The following TAOK3 variants were observed in gnomAD, a reference collection of about 807,000 sequenced individuals.
The protein encoded by TAOK3 is serine/threonine-protein kinase TAO3.
TAOK3 carries 40 observed loss-of-function variants against 120.4 expected under a neutral mutation model. The observed-to-expected ratio is 0.33, with a 90% CI of 0.26 to 0.43. The LOEUF (loss-of-function observed/expected upper bound fraction) is 0.43. Ranked by LOEUF, TAOK3 falls within the 20% of genes least tolerant of loss-of-function variation. The probability of loss-of-function intolerance (pLI) is 1.00; values close to 1 mark genes in which losing one functional copy is unlikely to be tolerated. For synonymous variants in TAOK3, 355 were observed against 387.5 expected (o/e 0.92, Z 0.99); for missense variants, 821 against 1,112.1 (o/e 0.74, Z 3.72).
intron 1 of TAOK3, among the ~76,000 whole-genome samples, chr12:118,321,392 C>T (rs1332189267): frequency 6.6e-6 from 1 of 152,118 alleles, no homozygotes; most frequent in Non-Finnish European, 1.5e-5. Flanking sequence ...CTCTAAGAAG[C>T]TGGGGCTACT....
chr12:118,334,437 G>C (rs1036314495), intron 1 of TAOK3, among the ~76,000 whole-genome samples: 1 of 152,152 alleles, frequency 6.6e-6, no homozygotes, highest in South Asian at 2.1e-4. Context: ...TAGAAGCAAA[G>C]GTTGCCAGGG....
At chr12:118,264,109 A>G (rs1163381773) in intron 2 of TAOK3, among the ~76,000 whole-genome samples, 2 of 152,218 alleles carry the variant, frequency 1.3e-5, no homozygotes, top group Non-Finnish European at 2.9e-5. Flanking sequence ...ATATGGAGTG[A>G]CTGTATCTTT....
intron 1 of TAOK3, among the ~76,000 whole-genome samples, chr12:118,297,792 A>G (rs2042737097): frequency 6.6e-6 from 1 of 152,212 alleles, no homozygotes; most frequent in African/African-American, 2.4e-5. Flanking sequence ...TAAGAATCCA[A>G]AAGAACTAGT....
intron 1 of TAOK3, among the ~76,000 whole-genome samples, chr12:118,367,732 G>A (rs972724688): frequency 2.7e-5 from 4 of 150,542 alleles, no homozygotes; most frequent in African/African-American, 9.8e-5. Context: ...ATCTTTTTTC[G>A]GAGAGTCACA....
chr12:118,351,399 C>T (rs951306393), intron 1 of TAOK3, among the ~76,000 whole-genome samples: 8 of 151,986 alleles, frequency 5.3e-5, no homozygotes, highest in East Asian at 1.9e-4. Context: ...AGGCCTGACC[C>T]GAGTAGATGC....
In TAOK3 at chr12:118,150,956, CTTTTTT is replaced by C. The variant is rs201481032; in HGVS notation, c.*35_*40del. On this transcript the variant is annotated 3_prime_UTR_variant, in exon 21 of 21. Coordinates refer to ENST00000392533, the MANE Select transcript of TAOK3 (RefSeq NM_016281.4). ...CAGGGTCTGAATTTTTTTCTGTTTT[CTTTTTT>C]TTTTTTTTTTTTGTAAATGGCAAAA... 92 of 1,255,454 alleles carry C rather than the reference CTTTTTT, an allele frequency of 7.3e-5. No homozygotes were observed. Among genetic ancestry groups the C allele is most frequent in the Admixed American group, 3.5e-4 (13 of 36,670 alleles). The allele number at this position is 1,255,454 out of a possible 1,614,324, so 77.8% of individuals were successfully genotyped here. A position where few individuals can be genotyped will look rare whatever the true frequency, so the allele number is the denominator to read the frequency against.
intron 1 of TAOK3, among the ~76,000 whole-genome samples, chr12:118,286,654 A>C (rs954171546): frequency 9.2e-5 from 14 of 152,202 alleles, no homozygotes; most frequent in Admixed American, 3.9e-4. Context: ...TGTGGAAAAC[A>C]GTGTGGAGAT....
intron 1 of TAOK3, among the ~76,000 whole-genome samples, chr12:118,342,885 G>C (rs1189818981): frequency 6.8e-6 from 1 of 146,182 alleles, no homozygotes; most frequent in Non-Finnish European, 1.5e-5. Flanking sequence ...AGTGAGTGGC[G>C]ATCCTGCCAT....
At chr12:118,222,861 A>G (rs1471544147) in intron 9 of TAOK3, among the ~76,000 whole-genome samples, 1 of 152,134 alleles carries the variant, frequency 6.6e-6, no homozygotes, top group Non-Finnish European at 1.5e-5. Context: ...CTAAAATCTC[A>G]GAATTCGCCA....
intron 16 of TAOK3, among the ~76,000 whole-genome samples, 159 bp from the exon 17 acceptor site, chr12:118,172,819 C>T (rs1027678419): frequency 6.6e-6 from 1 of 152,030 alleles, no homozygotes. Flanking sequence ...TTTATTTGCT[C>T]ATTAATTGAG....
In TAOK3 at chr12:118,193,049, G is replaced by GTTTTTTTTT. The variant is rs11380296; in HGVS notation, c.1195-3117_1195-3109dup. The stretch of plus-strand genomic sequence containing the variant: ...AACCTGGTAAACTTACCACGTTGTT[G>GTTTTTTTTT]TTTTTTTTTTTTTTTTTTTTTGAGA... On this transcript the variant is annotated intron_variant, in intron 13 of 20. Transcript: ENST00000392533. Among the ~76,000 whole-genome samples the GTTTTTTTTT allele has an allele frequency of 2.2e-3, 240 of 107,324 alleles. 3 individuals are homozygous for GTTTTTTTTT. The highest frequency in any genetic ancestry group is 3.1e-3 in the Non-Finnish European group (174 of 56,624). 70.4% of individuals were successfully genotyped at this position (107,324 alleles called of 152,430 possible). A position where few individuals can be genotyped will look rare whatever the true frequency, so the allele number is the denominator to read the frequency against.
chr12:118,364,035 A>G (rs1003001920), intron 1 of TAOK3, among the ~76,000 whole-genome samples: 2 of 152,056 alleles, frequency 1.3e-5, no homozygotes, highest in African/African-American at 4.8e-5. Flanking sequence ...GTTACTCGGG[A>G]GGCTGAGGCA....
chr12:118,192,648 G>A (rs16948179), intron 13 of TAOK3, among the ~76,000 whole-genome samples: 2,536 of 152,342 alleles, frequency 0.017, 17 homozygotes, highest in Middle Eastern at 0.054. Context: ...AACTTGAGAA[G>A]TAAGCTCAAA....
chr12:118,218,444 T>C (rs142738150), intron 9 of TAOK3, among the ~76,000 whole-genome samples: 1 of 152,260 alleles, frequency 6.6e-6, no homozygotes, highest in African/African-American at 2.4e-5. Flanking sequence ...AATGGCATAG[T>C]ATTTGCATGT....
intron 11 of TAOK3, among the ~76,000 whole-genome samples, chr12:118,207,609 C>T (rs2038393199): frequency 6.6e-6 from 1 of 152,062 alleles, no homozygotes; most frequent in Non-Finnish European, 1.5e-5. Context: ...AATCCCAGCA[C>T]TTTGGGAGGC....
chr12:118,275,418 G>A (rs1189425903), intron 1 of TAOK3, among the ~76,000 whole-genome samples: 1 of 152,196 alleles, frequency 6.6e-6, no homozygotes, highest in Admixed American at 6.5e-5. Flanking sequence ...ACAGGCATGA[G>A]CCATTGTGCC....
intron 9 of TAOK3, among the ~76,000 whole-genome samples, chr12:118,218,114 C>A (rs531247894): frequency 3.4e-4 from 51 of 151,722 alleles, no homozygotes; most frequent in African/African-American, 1.2e-3. Context: ...TCCGCCTTGG[C>A]CTCCCAAGTA....
intron 19 of TAOK3, among the ~76,000 whole-genome samples, chr12:118,155,381 A>C (rs776879226): frequency 6.6e-6 from 1 of 152,230 alleles, no homozygotes; most frequent in Non-Finnish European, 1.5e-5. Flanking sequence ...GGCAAAGCTG[A>C]GTAGCTGTGA....
chr12:118,257,528 T>G (rs558986045), intron 2 of TAOK3, among the ~76,000 whole-genome samples: 4 of 152,170 alleles, frequency 2.6e-5, no homozygotes, highest in Non-Finnish European at 4.4e-5. Context: ...ATCATTTATT[T>G]ATGCCAACGT....
Sources: allele counts gnomAD v4.1 joint callset (sites outside exome capture counted in the v4.1 genomes callset), GRCh38; gene constraint gnomAD v4.1.1; transcripts MANE v1.5; gene names NCBI Gene and HGNC (gene_info 2026-07-23, HGNC 2026-07-21).